Variants in RBFOX3 observed in about 807,000 individuals in gnomAD.
The protein encoded by RBFOX3 is RNA binding fox-1 homolog 3, also known as RNA binding protein fox-1 homolog 3.
A neutral mutation model predicts 48.7 loss-of-function variants in RBFOX3; 17 were observed. That is an observed-to-expected ratio of 0.35 (90% CI 0.24 to 0.52). The LOEUF (loss-of-function observed/expected upper bound fraction) is 0.52. Ranked by LOEUF, RBFOX3 falls within the 20% of genes least tolerant of loss-of-function variation. The pLI, the probability that RBFOX3 is intolerant of heterozygous loss-of-function variation, is 0.94. For synonymous variants in RBFOX3, 212 were observed against 209.5 expected (o/e 1.01, Z -0.10); for missense variants, 382 against 497.5 (o/e 0.77, Z 2.21).
intron 2 of RBFOX3, among the ~76,000 whole-genome samples, chr17:79,465,630 G>C (rs528207517): frequency 6.6e-6 from 1 of 152,138 alleles, no homozygotes; most frequent in South Asian, 2.1e-4. Flanking sequence ...CTCCCTGCAT[G>C]TTAACTAGCC....
chr17:79,262,682 A>T (rs1477509277), intron 3 of RBFOX3, among the ~76,000 whole-genome samples: 4 of 152,122 alleles, frequency 2.6e-5, no homozygotes, highest in African/African-American at 9.7e-5. Flanking sequence ...GCAGGAGTGG[A>T]GCTACGGATC....
chr17:79,179,701 T>A (rs974078534), intron 4 of RBFOX3, among the ~76,000 whole-genome samples: 4 of 152,232 alleles, frequency 2.6e-5, no homozygotes, highest in African/African-American at 9.6e-5. Flanking sequence ...TGGGGTTTTT[T>A]CCTCCTATCC....
chr17:79,511,366 C>A (rs898867118), intron 1 of RBFOX3, among the ~76,000 whole-genome samples: 3 of 152,116 alleles, frequency 2.0e-5, no homozygotes, highest in Non-Finnish European at 4.4e-5. Context: ...TAATATGTGT[C>A]GGGGCTGGGG....
the RBFOX3 span, among the ~76,000 whole-genome samples, chr17:79,656,891 AGGAG>A: frequency 0.05 from 6,903 of 138,494 alleles, 350 homozygotes; most frequent in Middle Eastern, 0.084. Flanking sequence ...GAAGGAAGGA[AGGAG>A]GGAAGGAAGG....
chr17:79,606,425 C>G (rs2093832066), intron 1 of RBFOX3, among the ~76,000 whole-genome samples: 2 of 152,182 alleles, frequency 1.3e-5, no homozygotes, highest in Non-Finnish European at 2.9e-5. Context: ...GGTACCCGGG[C>G]AAGACGCATC....
At chr17:79,395,102 C>G (rs2061832085) in intron 2 of RBFOX3, among the ~76,000 whole-genome samples, 1 of 152,246 alleles carries the variant, frequency 6.6e-6, no homozygotes, top group Admixed American at 6.5e-5. Flanking sequence ...AGTGCTCTAT[C>G]TGGGCCTCCC....
At chr17:79,429,966 A>G (rs2068105681) in intron 2 of RBFOX3, among the ~76,000 whole-genome samples, 1 of 152,142 alleles carries the variant, frequency 6.6e-6, no homozygotes, top group African/African-American at 2.4e-5. Flanking sequence ...AAAGTGGGTG[A>G]GAGGACAAAG....
At chr17:79,180,068 C>A (rs577436636) in intron 4 of RBFOX3, among the ~76,000 whole-genome samples, 1 of 152,338 alleles carries the variant, frequency 6.6e-6, no homozygotes, top group Admixed American at 6.5e-5. Context: ...CTGGAGTTCT[C>A]CTGGTGTCAG....
intron 1 of RBFOX3, among the ~76,000 whole-genome samples, chr17:79,607,115 A>G (rs1263492463): frequency 1.3e-5 from 2 of 152,080 alleles, no homozygotes; most frequent in Non-Finnish European, 2.9e-5. Flanking sequence ...TACAAACGGG[A>G]TGTGTTTATA....
chr17:79,491,426 C>G (rs1013448732), intron 1 of RBFOX3, among the ~76,000 whole-genome samples: 107 of 151,868 alleles, frequency 7.0e-4, no homozygotes, highest in African/African-American at 2.5e-3. Flanking sequence ...GCTCTGGTGC[C>G]GATGTGGGCT....
rs760341503 is a variant in RBFOX3 at position 79,361,969 on chromosome 17, G to A, written c.-174-54145C>T. Among the ~76,000 whole-genome samples, 9 of 152,262 alleles carry A rather than the reference G, an allele frequency of 5.9e-5. No individual in the cohort carries two copies. The highest frequency in any genetic ancestry group is 2.1e-4 in the South Asian group (1 of 4,820). ...GCCATTTCCATTTTAATATGCAAGC[G>A]GTGTTGGCTCTTCTCCGAGATTCTT... On this transcript the variant is annotated intron_variant, in intron 2 of 14. Coordinates refer to ENST00000693108, the MANE Select transcript of RBFOX3 (RefSeq NM_001350451.2). The surrounding 1 kb of genome is among the most constrained non-coding windows in gnomAD (Gnocchi z 4.5).
chr17:79,159,614 C>T (rs1341320202), intron 4 of RBFOX3, among the ~76,000 whole-genome samples: 3 of 152,212 alleles, frequency 2.0e-5, no homozygotes, highest in Non-Finnish European at 4.4e-5. Flanking sequence ...CACCCACTCA[C>T]ACACTCAGAG....
the RBFOX3 span, among the ~76,000 whole-genome samples, chr17:79,661,493 CACTACTG>C: frequency 6.6e-6 from 1 of 152,152 alleles, no homozygotes; most frequent in Non-Finnish European, 1.5e-5. Context: ...TATTTGGCCA[CACTACTG>C]TGTTGCTTGG....
chr17:79,264,168 C>T lies in RBFOX3; in HGVS notation c.-73-28363G>A, dbSNP rs180736334. On this transcript the variant is annotated intron_variant, in intron 3 of 14. Transcript: ENST00000693108. ...AGTGCAGTGGTGCGATTTCAGCTCC[C>T]GGATTCAAGTGATTCTCATCCCTCG... Among the ~76,000 whole-genome samples, 172 of 151,782 alleles carry T rather than the reference C, an allele frequency of 1.1e-3. 1 individual carries two copies. The highest frequency in any genetic ancestry group is 3.5e-3 in the African/African-American group (145 of 41,398).
chr17:79,613,519 A>G (rs2093982836), upstream of RBFOX3, among the ~76,000 whole-genome samples: 2 of 152,216 alleles, frequency 1.3e-5, no homozygotes, highest in Admixed American at 1.3e-4. Flanking sequence ...TGGAAACTTT[A>G]ATTTTTAAAA....
rs1268868155 is a variant in RBFOX3 at position 79,332,696 on chromosome 17, AGAGAGAGAGAGACAGAAAGACAGAGCCT to A, written c.-174-24900_-174-24873del. ...CAGAGAGACAAAGAGAGACGGAGACAGAGAGAGAGAGACAGAAAGACAGAGCCTGAGAGACAAAGAGAGCAGAGACACA... is the reference window on the plus strand; with the variant it reads ...CAGAGAGACAAAGAGAGACGGAGACAGAGAGACAAAGAGAGCAGAGACACA... On this transcript the variant is annotated intron_variant, in intron 2 of 14. Coordinates refer to ENST00000693108, the MANE Select transcript of RBFOX3 (RefSeq NM_001350451.2). Among the ~76,000 whole-genome samples, 347 of 72,988 alleles carry A rather than the reference AGAGAGAGAGAGACAGAAAGACAGAGCCT, an allele frequency of 4.8e-3. 1 individual carries two copies. Among genetic ancestry groups the A allele is most frequent in the African/African-American group, 0.011 (325 of 28,948 alleles). 47.9% of individuals were successfully genotyped at this position (72,988 alleles called of 152,430 possible).
intron 4 of RBFOX3, among the ~76,000 whole-genome samples, chr17:79,186,196 CCATCAGGCGGCTCAT>C (rs1354284702): frequency 6.6e-6 from 1 of 152,244 alleles, no homozygotes; most frequent in Non-Finnish European, 1.5e-5. Context: ...ACACCTGCCT[CCATCAGGCGGCTCAT>C]CACACCCAGC....
chr17:79,422,670 C>G (rs1160292114), intron 2 of RBFOX3, among the ~76,000 whole-genome samples: 1 of 147,158 alleles, frequency 6.8e-6, no homozygotes, highest in Non-Finnish European at 1.5e-5. Context: ...TGCCTGGGCG[C>G]AGTGGCGGGA....
chr17:79,190,432 C>CTACAACAAAAA (rs1555596697), intron 4 of RBFOX3, among the ~76,000 whole-genome samples: 5 of 114,736 alleles, frequency 4.4e-5, no homozygotes, highest in Non-Finnish European at 7.3e-5. Flanking sequence ...AAAAAAAAAA[C>CTACAACAAAAA]AAAAAAACAG....
Sources: gnomAD v4.1 joint callset for allele counts (sites outside exome capture counted in the v4.1 genomes callset) on GRCh38, gnomAD v4.1.1 for gene constraint, Gnocchi (gnomAD v3.1) non-coding constraint, MANE v1.5 for transcripts, NCBI Gene and HGNC (gene_info 2026-07-23, HGNC 2026-07-21) for gene names.